The following IL17RA variants were observed in gnomAD, a reference collection of about 807,000 sequenced individuals.
IL17RA encodes the protein interleukin-17 receptor A.
A neutral mutation model predicts 50.4 loss-of-function variants in IL17RA; 34 were observed. That is an observed-to-expected ratio of 0.67 (90% confidence interval 0.51 to 0.90). The LOEUF is 0.90. Among genes scored for constraint, IL17RA ranks in the 40% least tolerant of loss-of-function variants. The pLI, the probability that IL17RA is intolerant of heterozygous loss-of-function variation, is 0.00. For missense variants in IL17RA, 1,276 were observed against 1,169.8 expected, an observed-to-expected ratio of 1.09 and a Z score of -1.32; for synonymous variants, 585 against 510.4, an observed-to-expected ratio of 1.15 and a Z score of -1.97.
intron 1 of IL17RA, among the ~76,000 whole-genome samples, chr22:17,091,268 C>A (rs2061346862): frequency 6.6e-6 from 1 of 152,136 alleles, no homozygotes; most frequent in Admixed American, 6.5e-5. Flanking sequence ...TACCCTCATA[C>A]CTTTTTCTGA....
intron 1 of IL17RA, among the ~76,000 whole-genome samples, chr22:17,086,998 G>A (rs898903334): frequency 2.6e-5 from 4 of 152,226 alleles, no homozygotes; most frequent in African/African-American, 9.7e-5. Flanking sequence ...CCTGGCTCCA[G>A]GGAGGGCTGA....
chr22:17,100,287 C>G (rs2061385904), intron 4 of IL17RA, 68 bp from the exon 5 acceptor site: 1 of 1,600,764 alleles, frequency 6.2e-7, no homozygotes, highest in African/African-American at 1.3e-5. Context: ...GAACGGGGGT[C>G]TTTGGGCATA....
intron 7 of IL17RA, 82 bp downstream of exon 7, chr22:17,102,384 A>C: frequency 6.6e-7 from 1 of 1,504,876 alleles, no homozygotes; most frequent in South Asian, 1.1e-5. Context: ...CTGGTCTGAC[A>C]GAACCGCGTT....
intron 1 of IL17RA, among the ~76,000 whole-genome samples, chr22:17,087,509 C>T (rs1316664179): frequency 2.6e-5 from 4 of 152,214 alleles, no homozygotes; most frequent in Non-Finnish European, 4.4e-5. Flanking sequence ...GATGCGGGGG[C>T]TATTTGATAC....
chr22:17,107,625 C>G, intron 11 of IL17RA, 102 bp from the exon 12 acceptor site: 1 of 1,035,556 alleles, frequency 9.7e-7, no homozygotes, highest in Non-Finnish European at 1.5e-6. Context: ...GGGCTGCCCC[C>G]TTACCCTTCA....
At chr22:17,105,631 T>C in intron 10 of IL17RA, 29 bp downstream of exon 10, 1 of 1,612,174 alleles carries the variant, frequency 6.2e-7, no homozygotes, top group Non-Finnish European at 8.5e-7. Flanking sequence ...CCGACAGCAC[T>C]GCAGCCCTCA....
chr22:17,108,782 G>C lies in IL17RA; in HGVS notation c.1563G>C (p.Pro521=), dbSNP rs773064439. Residue 521 remains proline, a synonymous_variant, in exon 13 of 13, where the codon CCG becomes CCC. Coordinates refer to ENST00000319363, the MANE Select transcript of IL17RA (RefSeq NM_014339.7). ...GDVPDLFGAA[P]RYPLMDRFEE... ...TCCCCGACCTGTTCGGCGCGGCGCC[G>C]CGGTACCCGCTCATGGACAGGTTCG... 25 of 1,607,242 alleles carry C rather than the reference G, an allele frequency of 1.6e-5. No individual in the cohort carries two copies. In the South Asian group the frequency reaches 2.7e-4, roughly 17 times the overall value.
chr22:17,098,941 C>CT, intron 4 of IL17RA, 54 bp downstream of exon 4: 1 of 1,399,382 alleles, frequency 7.1e-7, no homozygotes, highest in South Asian at 1.2e-5. Context: ...CCAGTACAGA[C>CT]TTCTTGTCCC....
intron 1 of IL17RA, among the ~76,000 whole-genome samples, chr22:17,088,554 C>T (rs527243693): frequency 7.2e-5 from 11 of 152,174 alleles, no homozygotes; most frequent in East Asian, 1.9e-4. Flanking sequence ...GGCATGATCT[C>T]GGCTCACTGC....
intron 1 of IL17RA, 38 bp from the exon 2 acceptor site, chr22:17,097,024 T>C (rs746937510): frequency 6.2e-7 from 1 of 1,603,172 alleles, no homozygotes; most frequent in Non-Finnish European, 8.5e-7. Flanking sequence ...AATTCAAGCC[T>C]TTTCCCAGCT....
chr22:17,109,249 T>C lies in IL17RA; in HGVS notation c.2030T>C (p.Leu677Pro). 1 of 1,491,766 alleles carries C rather than the reference T, an allele frequency of 6.7e-7. No individual in the cohort carries two copies. The highest frequency in any genetic ancestry group is 8.9e-7 in the Non-Finnish European group (1 of 1,126,942). The allele number at this position is 1,491,766 out of a possible 1,614,324, so 92.4% of individuals were successfully genotyped here. Reference sequence around the variant, plus strand: ...GTGCTCGCCGCAGAGGAGGGGGCCCTGGTGGCCGCGGTGGAGCCTGGGCCC... The same window carrying C: ...GTGCTCGCCGCAGAGGAGGGGGCCCCGGTGGCCGCGGTGGAGCCTGGGCCC... ...TLVLAAEEGA[L>P]VAAVEPGPLA... The change falls in exon 13 of 13, where the codon CTG becomes CCG. Residue 677 changes from leucine to proline, a missense_variant. Coordinates refer to ENST00000319363, the MANE Select transcript of IL17RA (RefSeq NM_014339.7).
chr22:17,096,499 T>C (rs1415549615), intron 1 of IL17RA, among the ~76,000 whole-genome samples: 1 of 152,138 alleles, frequency 6.6e-6, no homozygotes, highest in African/African-American at 2.4e-5. Flanking sequence ...GGGGCCCTTT[T>C]CTCAGGGCAC....
chr22:17,099,018 A>G (rs2061379946), intron 4 of IL17RA, 131 bp downstream of exon 4: 2 of 773,048 alleles, frequency 2.6e-6, no homozygotes, highest in Admixed American at 2.0e-5. Flanking sequence ...GGAATTCAGA[A>G]TGGCAGCCTG....
At position 17,105,891 on chromosome 22, in the gene IL17RA, A is replaced by G; in HGVS notation, c.982A>G (p.Ile328Val). 6.2e-7 allele frequency: 1 copy of G among 1,614,158 alleles called. No individual in the cohort carries two copies. Among genetic ancestry groups the G allele is most frequent in the Non-Finnish European group, 8.5e-7 (1 of 1,180,034 alleles). Residue 328 changes from isoleucine to valine, a missense_variant, in exon 11 of 13, where the codon ATC becomes GTC. Coordinates refer to ENST00000319363, the MANE Select transcript of IL17RA (RefSeq NM_014339.7). ...PLWVYWFITG[I>V]SILLVGSVIL... ...GTGGGTGTACTGGTTCATCACGGGC[A>G]TCTCCATCCTGCTGGTGGGCTCCGT...
rs8137190 is a variant in IL17RA, at chr22:17,094,691, C to G, written c.139-2371C>G. Among the ~76,000 whole-genome samples, 225 of 24,566 alleles carry G rather than the reference C, an allele frequency of 9.2e-3. 10 individuals carry two copies. The highest frequency in any genetic ancestry group is 0.038 in the Middle Eastern group (1 of 26). 16.1% of individuals were successfully genotyped at this position (24,566 alleles called of 152,430 possible). On this transcript the variant is annotated intron_variant, in intron 1 of 12. Transcript: ENST00000319363. ...TCTCTCTCTCTCTCTCTCTCTCTCTCTATATATATATATATATATATATAT... is the reference window on the plus strand; with the variant it reads ...TCTCTCTCTCTCTCTCTCTCTCTCTGTATATATATATATATATATATATAT...
intron 1 of IL17RA, among the ~76,000 whole-genome samples, chr22:17,092,780 CCTT>C (rs1032312357): frequency 5.3e-5 from 8 of 152,022 alleles, no homozygotes; most frequent in Non-Finnish European, 1.2e-4. Flanking sequence ...TTGTTAATCT[CCTT>C]CTAGAAATCT....
chr22:17,088,858 C>A (rs1011696362), intron 1 of IL17RA, among the ~76,000 whole-genome samples: 2 of 149,868 alleles, frequency 1.3e-5, no homozygotes, highest in Non-Finnish European at 3.0e-5. Flanking sequence ...TGCAGTGGTG[C>A]GATCTCAGCT....
At chr22:17,099,095 T>C (rs1344622736) in intron 4 of IL17RA, among the ~76,000 whole-genome samples, 20 of 152,184 alleles carry the variant, frequency 1.3e-4, no homozygotes, top group Non-Finnish European at 1.5e-5. Context: ...CAGAGCGTAT[T>C]TTTGAAAGCG....
chr22:17,102,294 A>C lies in IL17RA; in HGVS notation c.754A>C (p.Ile252Leu). The C allele has an allele frequency of 6.2e-7, 1 of 1,614,162 alleles. No homozygotes were observed. Residue 252 changes from isoleucine (I) to leucine (L), a missense_variant, in exon 7 of 13, where the codon ATA becomes CTA. Physicochemically the swap from Ile to Leu is conservative, Grantham distance 5. Coordinates refer to ENST00000319363, the MANE Select transcript of IL17RA (RefSeq NM_014339.7). The stretch of plus-strand genomic sequence containing the variant: ...CAGTTGCTTTGAGCACATGCACCAC[A>C]TACCTGCGGTAACTCTGCTCTTTTT... ...NHSCFEHMHH[I>L]PAPRPEEFHQ...
Sources: gnomAD v4.1 joint callset for allele counts (sites outside exome capture counted in the v4.1 genomes callset) on GRCh38, gnomAD v4.1.1 for gene constraint, MANE v1.5 for transcripts, NCBI Gene and HGNC (gene_info 2026-07-23, HGNC 2026-07-21) for gene names.